MYH15: variants seen among roughly 807,000 people sequenced by gnomAD.
The protein encoded by MYH15 is myosin-15.
MYH15 carries 227 observed loss-of-function variants against 240.5 expected under a neutral mutation model. The observed-to-expected ratio is 0.94, with a 90% CI of 0.85 to 1.05. The LOEUF (loss-of-function observed/expected upper bound fraction) is 1.05, where lower values mean the gene tolerates loss of function less well. MYH15 is among the 50% of genes least tolerant of loss of function. MYH15 has a pLI of 0.00. For synonymous variants in MYH15, 785 were observed against 796.7 expected, an observed-to-expected ratio of 0.99 and a Z score of 0.25; for missense variants, 2,217 against 2,247.5, an observed-to-expected ratio of 0.99 and a Z score of 0.27.
chr3:108,446,832 A>T (rs570356695), intron 21 of MYH15, among the ~76,000 whole-genome samples: 2 of 152,346 alleles, frequency 1.3e-5, no homozygotes, highest in East Asian at 3.9e-4. Context: ...ATAAACATGA[A>T]GAATCAGGAA....
rs2082425470 is a variant in MYH15 at position 108,391,929 on chromosome 3, G to T, written c.5261C>A (p.Ala1754Glu). 6.2e-7 allele frequency: 1 copy of T among 1,613,054 alleles called. No individual in the cohort carries two copies. The highest frequency in any genetic ancestry group is 1.3e-5 in the African/African-American group (1 of 74,822). The change falls in exon 37 of 41, where the codon GCA becomes GAA. Residue 1754 changes from alanine (A) to glutamate (E), a missense_variant and splice_region_variant. Coordinates refer to ENST00000693548, the MANE Select transcript of MYH15 (RefSeq NM_014981.3). ...CTTCAGTTCTTCTGACAAGTTTGCT[G>T]CCTAGGGGGTTAAAAAAAGGGACTG... ...EEKAKKAAIE[A>E]ANLSEELKKK...
intron 28 of MYH15, among the ~76,000 whole-genome samples, chr3:108,417,774 C>T (rs559685060): frequency 1.4e-5 from 2 of 145,766 alleles, no homozygotes; most frequent in Admixed American, 7.1e-5. Context: ...CACACACACA[C>T]GTACAGGTAT....
intron 20 of MYH15, among the ~76,000 whole-genome samples, chr3:108,454,925 G>A (rs1367538132): frequency 6.6e-6 from 1 of 152,066 alleles, no homozygotes; most frequent in Non-Finnish European, 1.5e-5. Context: ...TGGCCCAGAT[G>A]AATAGTATAC....
At chr3:108,394,855 G>A (rs1244546991) in intron 35 of MYH15, among the ~76,000 whole-genome samples, 1 of 152,184 alleles carries the variant, frequency 6.6e-6, no homozygotes, top group Non-Finnish European at 1.5e-5. Flanking sequence ...AACTCGCAGT[G>A]TATATAAAAG....
At chr3:108,391,654 G>T in intron 37 of MYH15, 106 bp downstream of exon 37, 1 of 1,197,134 alleles carries the variant, frequency 8.4e-7, no homozygotes, top group Admixed American at 2.3e-5. Context: ...AAAAGCAAAA[G>T]TGATAAAGGG....
chr3:108,407,864 C>G (rs1207198464), intron 32 of MYH15, among the ~76,000 whole-genome samples: 2 of 152,142 alleles, frequency 1.3e-5, no homozygotes, highest in Non-Finnish European at 2.9e-5. Flanking sequence ...TATGAACCAC[C>G]AAGGGATCTT....
intron 1 of MYH15, among the ~76,000 whole-genome samples, chr3:108,519,712 A>G (rs2083602566): frequency 6.6e-6 from 1 of 152,232 alleles, no homozygotes; most frequent in Admixed American, 6.5e-5. Flanking sequence ...TTGTCATGAT[A>G]ATATTCCTTA....
At chr3:108,435,758 GA>G (rs1246431242) in intron 25 of MYH15, among the ~76,000 whole-genome samples, 1 of 143,254 alleles carries the variant, frequency 7.0e-6, no homozygotes, top group Non-Finnish European at 1.5e-5. Flanking sequence ...GTGTGTTTGG[GA>G]TTTTTTTTCA....
chr3:108,519,442 C>T (rs2083599730), intron 1 of MYH15, among the ~76,000 whole-genome samples: 1 of 152,088 alleles, frequency 6.6e-6, no homozygotes, highest in Non-Finnish European at 1.5e-5. Context: ...CCATATTTTA[C>T]AGGTGAGTAT....
At chr3:108,415,706 T>C (rs2082627903) in intron 29 of MYH15, among the ~76,000 whole-genome samples, 1 of 152,178 alleles carries the variant, frequency 6.6e-6, no homozygotes, top group Non-Finnish European at 1.5e-5. Flanking sequence ...GAAGGGCCTT[T>C]AAGCAACGGG....
intron 31 of MYH15, among the ~76,000 whole-genome samples, chr3:108,409,208 T>C (rs921386059): frequency 4.6e-5 from 7 of 152,168 alleles, no homozygotes; most frequent in South Asian, 2.1e-4. Context: ...ATATGTTAGA[T>C]GGAAATTTTC....
chr3:108,541,474 TA>T, the MYH15 span, among the ~76,000 whole-genome samples: 33 of 150,500 alleles, frequency 2.2e-4, 1 homozygote, highest in African/African-American at 7.6e-4. Context: ...AAAAGATGAA[TA>T]AAAAAAAGAT....
chr3:108,538,505 T>G, the MYH15 span, among the ~76,000 whole-genome samples: 1 of 152,210 alleles, frequency 6.6e-6, no homozygotes, highest in African/African-American at 2.4e-5. Flanking sequence ...TCAATTATAC[T>G]TAATTGTGAA....
upstream of MYH15, among the ~76,000 whole-genome samples, chr3:108,532,773 G>C (rs1308447052): frequency 6.6e-6 from 1 of 152,170 alleles, no homozygotes; most frequent in Non-Finnish European, 1.5e-5. Context: ...TGGAACCCTT[G>C]TTGTTTAAGA....
At chr3:108,436,404 A>C (rs1316635432) in intron 25 of MYH15, among the ~76,000 whole-genome samples, 1 of 152,332 alleles carries the variant, frequency 6.6e-6, no homozygotes, top group African/African-American at 2.4e-5. Context: ...TTGTTAGCAG[A>C]ATATGAGTCA....
intron 31 of MYH15, among the ~76,000 whole-genome samples, chr3:108,409,223 C>A (rs1315956537): frequency 6.6e-6 from 1 of 152,166 alleles, no homozygotes; most frequent in Non-Finnish European, 1.5e-5. Context: ...ATTTTCATTG[C>A]ATAATAAATT....
In MYH15 at chr3:108,459,358, T is replaced by C. The variant is rs2083051649; in HGVS notation, c.2020+4A>G. The C allele has an allele frequency of 6.4e-7, 1 of 1,557,432 alleles. No homozygotes were observed. Among genetic ancestry groups the C allele is most frequent in the Non-Finnish European group, 8.8e-7 (1 of 1,140,476 alleles). ...TGTGAATTACAAAGAAATCTAGTTCTTACCTGGTATTTTGTTCACATTGGG... is the reference window on the plus strand; with the variant it reads ...TGTGAATTACAAAGAAATCTAGTTCCTACCTGGTATTTTGTTCACATTGGG... On this transcript the variant is annotated splice_donor_region_variant and intron_variant, in intron 18 of 40. Transcript: ENST00000693548.
chr3:108,420,943 C>T (rs1223856595), intron 28 of MYH15, 145 bp downstream of exon 28: 4 of 1,162,044 alleles, frequency 3.4e-6, no homozygotes, highest in Non-Finnish European at 4.9e-6. Context: ...ATGTGTGTGG[C>T]AAAGCTGTCT....
chr3:108,397,868 G>C (rs752122113), intron 35 of MYH15, among the ~76,000 whole-genome samples: 6 of 152,138 alleles, frequency 3.9e-5, no homozygotes, highest in Admixed American at 1.3e-4. Context: ...CCAGGAGCAG[G>C]AGTGGTTCTG....
Sources: allele counts gnomAD v4.1 joint callset (sites outside exome capture counted in the v4.1 genomes callset), GRCh38; gene constraint gnomAD v4.1.1; transcripts MANE v1.5; gene names NCBI Gene and HGNC (gene_info 2026-07-23, HGNC 2026-07-21).